NCKAP5: variants seen among roughly 807,000 people sequenced by gnomAD.
The protein encoded by NCKAP5 is nck-associated protein 5.
In NCKAP5, 92 loss-of-function variants were observed where a neutral mutation model predicts 167.0. The observed-to-expected ratio is 0.55, with a 90% CI of 0.47 to 0.66. The LOEUF is 0.66. Ranked by LOEUF, NCKAP5 falls within the 30% of genes least tolerant of loss-of-function variation. NCKAP5 has a pLI of 0.00. For synonymous variants in NCKAP5, 891 were observed against 877.4 expected (o/e 1.02, Z -0.27); for missense variants, 2,378 against 2,315.0 (o/e 1.03, Z -0.56).
chr2:132,749,267 T>G (rs867349080), intron 16 of NCKAP5, among the ~76,000 whole-genome samples: 2 of 152,132 alleles, frequency 1.3e-5, no homozygotes, highest in South Asian at 2.1e-4. Context: ...AGTGGTACTG[T>G]ATCTCCACTC....
chr2:133,579,845 T>A, the NCKAP5 span, among the ~76,000 whole-genome samples: 39 of 152,334 alleles, frequency 2.6e-4, 1 homozygote, highest in East Asian at 6.9e-3. Flanking sequence ...CCCATTTTAA[T>A]GTCCCTCTGG....
chr2:132,912,025 G>A, intron 8 of NCKAP5, among the ~76,000 whole-genome samples: 1 of 152,214 alleles, frequency 6.6e-6, no homozygotes, highest in East Asian at 1.9e-4. Context: ...AGCCATTAAA[G>A]AAAACTGGTG....
chr2:133,504,978 A>G (rs1031430528), intron 3 of NCKAP5, among the ~76,000 whole-genome samples: 3 of 152,180 alleles, frequency 2.0e-5, no homozygotes, highest in African/African-American at 7.2e-5. Context: ...CATAAGACAA[A>G]CAAAGGAGGG....
At position 133,020,992 on chromosome 2, in the gene NCKAP5, C is replaced by A. The variant is rs180952815; in HGVS notation, c.342-26753G>T. The stretch of plus-strand genomic sequence containing the variant: ...CCTACTTGTGGTAATGACACAAATG[C>A]CAAAATAACCTCCCTCTCTGCCCGG... On this transcript the variant is annotated intron_variant, in intron 6 of 19. Coordinates refer to ENST00000409261, the MANE Select transcript of NCKAP5 (RefSeq NM_207363.3). 2.7e-4 allele frequency among the ~76,000 whole-genome samples: 41 copies of A among 152,284 alleles called. No homozygotes were observed. In the East Asian group the frequency reaches 6.8e-3, roughly 25 times the overall value.
intron 7 of NCKAP5, among the ~76,000 whole-genome samples, chr2:132,988,980 TC>T (rs1352734575): frequency 2.0e-5 from 3 of 152,198 alleles, no homozygotes; most frequent in African/African-American, 7.2e-5. Flanking sequence ...CATAGTTGGG[TC>T]CTTTTCCCCC....
At chr2:132,767,842 G>T (rs1681652430) in intron 16 of NCKAP5, among the ~76,000 whole-genome samples, 2 of 152,240 alleles carry the variant, frequency 1.3e-5, no homozygotes, top group South Asian at 4.1e-4. Context: ...ATGGAGGAAG[G>T]ACAATAGATT....
At chr2:133,166,277 T>A (rs1338266312) in intron 5 of NCKAP5, among the ~76,000 whole-genome samples, 1 of 152,236 alleles carries the variant, frequency 6.6e-6, no homozygotes, top group East Asian at 1.9e-4. Context: ...ATACTTCATG[T>A]GAGTCATTTT....
At chr2:133,567,299 C>T (rs1052063333) in intron 1 of NCKAP5, among the ~76,000 whole-genome samples, 3 of 152,194 alleles carry the variant, frequency 2.0e-5, no homozygotes, top group Non-Finnish European at 4.4e-5. Context: ...AAGCAGAACT[C>T]CCGGGTGGCA....
At chr2:133,427,961 A>G (rs570363247) in intron 3 of NCKAP5, among the ~76,000 whole-genome samples, 52 of 152,266 alleles carry the variant, frequency 3.4e-4, no homozygotes, top group African/African-American at 1.2e-3. Flanking sequence ...TAAAACTTGC[A>G]TATGAATTAA....
intron 2 of NCKAP5, among the ~76,000 whole-genome samples, chr2:133,553,256 G>C (rs1687499636): frequency 6.6e-6 from 1 of 152,172 alleles, no homozygotes; most frequent in Non-Finnish European, 1.5e-5. Flanking sequence ...GCAGTAAATC[G>C]CACTGGGCGC....
At chr2:133,390,282 C>A (rs776333987) in intron 3 of NCKAP5, among the ~76,000 whole-genome samples, 1 of 152,104 alleles carries the variant, frequency 6.6e-6, no homozygotes, top group African/African-American at 2.4e-5. Context: ...ATTTTACAAC[C>A]GGAAACTATT....
chr2:133,038,874 A>G, intron 6 of NCKAP5, among the ~76,000 whole-genome samples: 1 of 152,192 alleles, frequency 6.6e-6, no homozygotes, highest in East Asian at 1.9e-4. Context: ...AGGGCATGAC[A>G]TGTTTTTTCT....
chr2:133,319,392 G>A (rs1681867558), intron 3 of NCKAP5, among the ~76,000 whole-genome samples: 1 of 152,070 alleles, frequency 6.6e-6, no homozygotes, highest in South Asian at 2.1e-4. Flanking sequence ...TAATGATTTA[G>A]GTGCTGTTTT....
At chr2:132,798,876 C>G (rs1684808312) in intron 11 of NCKAP5, among the ~76,000 whole-genome samples, 1 of 152,126 alleles carries the variant, frequency 6.6e-6, no homozygotes. Context: ...CCAGAGCTAC[C>G]ATTTGACCCA....
chr2:132,870,172 T>C (rs1481026118), intron 9 of NCKAP5, among the ~76,000 whole-genome samples: 2 of 152,190 alleles, frequency 1.3e-5, no homozygotes, highest in Admixed American at 6.5e-5. Context: ...TGGCATTTTC[T>C]CCAGGTAACC....
Position 132,877,485 on chromosome 2 carries a change from A to G in NCKAP5, c.648+1363T>C, listed in dbSNP as rs538610400. ...TCATCGGGAGGGCTTGTTGACACAT[A>G]GGTCGCTGAGCCCTACCCCAGAGTC... On this transcript the variant is annotated intron_variant, in intron 9 of 19. Coordinates refer to ENST00000409261, the MANE Select transcript of NCKAP5 (RefSeq NM_207363.3). 3.9e-5 allele frequency among the ~76,000 whole-genome samples: 6 copies of G among 152,270 alleles called. No homozygotes were observed. The South Asian group carries it at 6.2e-4, about 16-fold the overall frequency.
intron 6 of NCKAP5, among the ~76,000 whole-genome samples, chr2:133,127,328 A>G (rs915029422): frequency 1.3e-5 from 2 of 152,222 alleles, no homozygotes; most frequent in Middle Eastern, 3.2e-3. Flanking sequence ...TATCTGTTAC[A>G]TATGCTTTTC....
chr2:133,155,889 C>T (rs2083559725), intron 5 of NCKAP5, among the ~76,000 whole-genome samples: 1 of 152,210 alleles, frequency 6.6e-6, no homozygotes. Context: ...CAAAATAAGT[C>T]TTTCTCTTTT....
intron 3 of NCKAP5, among the ~76,000 whole-genome samples, chr2:133,343,341 A>G (rs1313065677): frequency 2.6e-5 from 4 of 152,184 alleles, no homozygotes; most frequent in African/African-American, 7.2e-5. Flanking sequence ...ACACATATAC[A>G]TGAAGGTAAG....
Sources: allele counts gnomAD v4.1 joint callset (sites outside exome capture counted in the v4.1 genomes callset), GRCh38; gene constraint gnomAD v4.1.1; transcripts MANE v1.5; gene names NCBI Gene and HGNC (gene_info 2026-07-23, HGNC 2026-07-21).